The following POLR2F variants were observed in gnomAD, a reference collection of about 807,000 sequenced individuals.
The protein encoded by POLR2F is RNA polymerase II, I and III subunit F, also known as DNA-directed RNA polymerases I, II, and III subunit RPABC2.
In POLR2F, 12 loss-of-function variants were observed where a neutral mutation model predicts 22.7. That is an observed-to-expected ratio of 0.53 (90% CI 0.34 to 0.86). POLR2F has a LOEUF of 0.86. POLR2F is among the 40% of genes least tolerant of loss of function. The pLI is 0.02. For missense variants in POLR2F, 126 were observed against 171.5 expected (o/e 0.73, Z 1.48); for synonymous variants, 57 against 66.0 (o/e 0.86, Z 0.66).
At chr22:37,995,553 G>T (rs114586963) in intron 1 of POLR2F, among the ~76,000 whole-genome samples, 3,096 of 152,212 alleles carry the variant, frequency 0.02, 111 homozygotes, top group African/African-American at 0.071. Context: ...TTTATTGGCG[G>T]ATTAGTTGTT....
At chr22:37,962,132 G>A (rs1318233200) in intron 3 of POLR2F, among the ~76,000 whole-genome samples, 1 of 152,116 alleles carries the variant, frequency 6.6e-6, no homozygotes, top group Non-Finnish European at 1.5e-5. Flanking sequence ...TCGGGAGGCT[G>A]ACGTGGGAGG....
upstream of POLR2F, among the ~76,000 whole-genome samples, chr22:37,982,196 AG>A (rs1408282062): frequency 6.6e-6 from 1 of 152,208 alleles, no homozygotes; most frequent in Non-Finnish European, 1.5e-5. Context: ...CACCAGGGTC[AG>A]GGGAAGTCCT....
chr22:38,038,518 G>A (rs1008446698), intron 5 of POLR2F, among the ~76,000 whole-genome samples: 1 of 152,126 alleles, frequency 6.6e-6, no homozygotes, highest in Non-Finnish European at 1.5e-5. Context: ...TCGTCCAGGC[G>A]TTGAGTGTGC....
rs1400734976 is a variant in POLR2F at position 37,968,821 on chromosome 22, C to G, written c.*1106C>G. On this transcript the variant is annotated 3_prime_UTR_variant, in exon 5 of 5. Coordinates refer to ENST00000442738, the MANE Select transcript of POLR2F (RefSeq NM_021974.5). ...CCTCCAGGCCTAGGTGCAGCCTGGC[C>G]CTGGGATGGGATGTGGGGAGTGAAT... 3.6e-5 allele frequency: 35 copies of G among 985,384 alleles called. No homozygotes were observed. The highest frequency in any genetic ancestry group is 3.9e-5 in the Non-Finnish European group (32 of 830,036). 61.0% of individuals were successfully genotyped at this position (985,384 alleles called of 1,614,324 possible).
At chr22:37,979,134 G>A (rs1339512257) in intron 4 of POLR2F, among the ~76,000 whole-genome samples, 1 of 151,812 alleles carries the variant, frequency 6.6e-6, no homozygotes, top group African/African-American at 2.4e-5. Context: ...GTCTCACTCT[G>A]TCGCCCAGGC....
At chr22:37,961,794 C>T (rs190685116) in intron 3 of POLR2F, among the ~76,000 whole-genome samples, 19 of 149,886 alleles carry the variant, frequency 1.3e-4, no homozygotes, top group East Asian at 3.9e-4. Flanking sequence ...GGGGACAGAG[C>T]GGGGTACTCT....
At chr22:38,038,792 C>A (rs529079501) in intron 5 of POLR2F, among the ~76,000 whole-genome samples, 42 of 151,884 alleles carry the variant, frequency 2.8e-4, no homozygotes, top group Admixed American at 5.9e-4. Context: ...CCTCCTCCCC[C>A]CGCCGGCGCC....
chr22:37,970,375 A>C (rs1216153354), downstream of POLR2F, among the ~76,000 whole-genome samples: 1 of 150,374 alleles, frequency 6.7e-6, no homozygotes, highest in African/African-American at 2.4e-5. Flanking sequence ...GGCCGAGGCA[A>C]GCGGATCATG....
intron 1 of POLR2F, among the ~76,000 whole-genome samples, chr22:37,993,931 G>A (rs1310598446): frequency 1.3e-5 from 2 of 152,230 alleles, no homozygotes; most frequent in Non-Finnish European, 2.9e-5. Flanking sequence ...GGAGCTTGCA[G>A]TGAGCCGAGA....
chr22:38,011,535 T>C (rs541074789), intron 1 of POLR2F, among the ~76,000 whole-genome samples: 69 of 152,280 alleles, frequency 4.5e-4, no homozygotes, highest in African/African-American at 1.1e-3. Flanking sequence ...TCTTTCCCTA[T>C]TGACTTGTCT....
chr22:38,008,213 C>T lies in POLR2F; in HGVS notation c.121-17656C>T, dbSNP rs548078071. Among the ~76,000 whole-genome samples the T allele has an allele frequency of 1.2e-4, 18 of 152,144 alleles. No homozygotes were observed. In the East Asian group the frequency reaches 3.3e-3, roughly 28 times the overall value. ...AGAGATTGCACCACTGCACTCCAAA[C>T]TGGGTGACAGAGAGAGTCTGTCTCA... On this transcript the variant is annotated intron_variant, in intron 1 of 2. Coordinates refer to the POLR2F transcript ENST00000333418.
In POLR2F at chr22:37,989,606, G is replaced by A. The variant is rs182648693; in HGVS notation, c.120+3294G>A. On this transcript the variant is annotated intron_variant, in intron 1 of 2. Transcript: ENST00000333418. ...CTCAGCTGTGAGGGCTCCTGTCATCGGACTTCATCCTCCCAACAACCCTCT... is the reference window on the plus strand; with the variant it reads ...CTCAGCTGTGAGGGCTCCTGTCATCAGACTTCATCCTCCCAACAACCCTCT... Among the ~76,000 whole-genome samples, 668 of 152,300 alleles carry A rather than the reference G, an allele frequency of 4.4e-3. 3 individuals carry two copies. Among genetic ancestry groups the A allele is most frequent in the African/African-American group, 0.015 (630 of 41,560 alleles).
chr22:38,032,294 C>T (rs2085073075), intron 5 of POLR2F: 1 of 152,326 alleles, frequency 6.6e-6, no homozygotes, highest in Admixed American at 6.5e-5. Context: ...CACTGCACCA[C>T]ACCTGGCCTG....
chr22:37,967,348 G>A (rs1184817714), intron 4 of POLR2F, 178 bp downstream of exon 4: 5 of 1,467,894 alleles, frequency 3.4e-6, no homozygotes, highest in Non-Finnish European at 4.5e-6. Flanking sequence ...CAGGGAAAGT[G>A]GGAGGGCACT....
At chr22:37,961,701 C>T (rs1466038702) in intron 3 of POLR2F, among the ~76,000 whole-genome samples, 1 of 152,178 alleles carries the variant, frequency 6.6e-6, no homozygotes, top group Non-Finnish European at 1.5e-5. Flanking sequence ...TTCAAAGAGG[C>T]TGGGCCACAG....
chr22:37,958,718 T>C (rs1483862519), intron 2 of POLR2F, among the ~76,000 whole-genome samples: 2 of 152,150 alleles, frequency 1.3e-5, no homozygotes, highest in African/African-American at 4.8e-5. Flanking sequence ...GTGAGTGAGG[T>C]GTCCCCACCT....
At chr22:38,007,873 G>A (rs998197652) in intron 1 of POLR2F, among the ~76,000 whole-genome samples, 1 of 152,210 alleles carries the variant, frequency 6.6e-6, no homozygotes. Context: ...GAGTATAGAC[G>A]CTGTGGTCTG....
At position 37,968,347 on chromosome 22, in the gene POLR2F, TCCTCCTCAGGACTCTG is replaced by T. The variant is rs1243240132; in HGVS notation, c.*635_*650del. ...CCTGCCCCCATGGCTCTGTCCCCACTCCTCCTCAGGACTCTGCCCACACGCTGTCCTCTGTGGCCCA... is the reference window on the plus strand; with the variant it reads ...CCTGCCCCCATGGCTCTGTCCCCACTCCCACACGCTGTCCTCTGTGGCCCA... On this transcript the variant is annotated 3_prime_UTR_variant, in exon 5 of 5. Transcript: ENST00000442738. 2.0e-6 allele frequency: 2 copies of T among 985,884 alleles called. No individual in the cohort carries two copies. The highest frequency in any genetic ancestry group is 1.1e-4 in the East Asian group (1 of 8,822). 61.1% of individuals were successfully genotyped at this position (985,884 alleles called of 1,614,324 possible).
In POLR2F at chr22:37,967,845, T is replaced by A; in HGVS notation, c.*130T>A. Reference sequence around the variant, plus strand: ...ATCTGCAATGTCACCACCTGTTGCTTCCCCGTTACCGCCATGCTGCGTGGA... The same window carrying A: ...ATCTGCAATGTCACCACCTGTTGCTACCCCGTTACCGCCATGCTGCGTGGA... On this transcript the variant is annotated 3_prime_UTR_variant, in exon 5 of 5. Transcript: ENST00000442738. 7.0e-7 allele frequency: 1 copy of A among 1,434,566 alleles called. No homozygotes were observed. Among genetic ancestry groups the A allele is most frequent in the South Asian group, 1.5e-5 (1 of 67,734 alleles). 88.9% of individuals were successfully genotyped at this position (1,434,566 alleles called of 1,614,324 possible).
Sources: allele counts gnomAD v4.1 joint callset (sites outside exome capture counted in the v4.1 genomes callset), GRCh38; gene constraint gnomAD v4.1.1; transcripts MANE v1.5; gene names NCBI Gene and HGNC (gene_info 2026-07-23, HGNC 2026-07-21).